The following SH3RF3 variants were observed in gnomAD, a reference collection of about 807,000 sequenced individuals.
The protein encoded by SH3RF3 is E3 ubiquitin-protein ligase SH3RF3.
In SH3RF3, 29 loss-of-function variants were observed where a neutral mutation model predicts 66.3. The ratio of observed to expected loss-of-function variants is 0.44; its 90% CI spans 0.33 to 0.60. The LOEUF (loss-of-function observed/expected upper bound fraction) is 0.60. SH3RF3 is among the 20% of genes least tolerant of loss of function. The pLI is 0.04. For missense variants in SH3RF3, 1,194 were observed against 1,190.9 expected (o/e 1.00, Z -0.04); for synonymous variants, 583 against 532.0 (o/e 1.10, Z -1.32).
chr2:109,241,567 T>C (rs957953105), intron 1 of SH3RF3, among the ~76,000 whole-genome samples: 2 of 152,082 alleles, frequency 1.3e-5, no homozygotes, highest in Non-Finnish European at 2.9e-5. Context: ...CCTTCTTCCC[T>C]CCCACTTGGC....
At position 109,273,219 on chromosome 2, in the gene SH3RF3, C is replaced by T. The variant is rs148692512; in HGVS notation, c.574-74455C>T. ...TAGGCCTGTCCTGAGAATAATTGCA[C>T]AGTCGTCTGTTCAGTGCTGCCTGCC... On this transcript the variant is annotated intron_variant, in intron 1 of 9. Transcript: ENST00000309415. 4.6e-5 allele frequency among the ~76,000 whole-genome samples: 7 copies of T among 152,324 alleles called. No individual in the cohort carries two copies. The East Asian group carries it at 1.3e-3, about 29-fold the overall frequency.
chr2:109,155,174 C>T (rs1273253946), intron 1 of SH3RF3, among the ~76,000 whole-genome samples: 1 of 152,224 alleles, frequency 6.6e-6, no homozygotes, highest in African/African-American at 2.4e-5. Context: ...ATTTTGCAAA[C>T]TACAACTTGC....
At chr2:109,417,701 C>T (rs576712931) in intron 4 of SH3RF3, among the ~76,000 whole-genome samples, 8 of 152,288 alleles carry the variant, frequency 5.3e-5, no homozygotes, top group Admixed American at 2.6e-4. Context: ...CGGTTGCACC[C>T]GCTCATTCTG....
chr2:109,318,336 C>A (rs748889460), intron 1 of SH3RF3, among the ~76,000 whole-genome samples: 4 of 152,016 alleles, frequency 2.6e-5, no homozygotes, highest in African/African-American at 9.7e-5. Flanking sequence ...GCCCCCAGCC[C>A]GGTCCCCAGT....
At position 109,177,587 on chromosome 2, in the gene SH3RF3, G is replaced by A. The variant is rs114154565; in HGVS notation, c.573+47474G>A. Among the ~76,000 whole-genome samples, 886 of 152,196 alleles carry A rather than the reference G, an allele frequency of 5.8e-3. 5 individuals carry two copies. The highest frequency in any genetic ancestry group is 9.3e-3 in the Non-Finnish European group (632 of 68,016). On this transcript the variant is annotated intron_variant, in intron 1 of 9. Coordinates refer to ENST00000309415, the MANE Select transcript of SH3RF3 (RefSeq NM_001099289.3). ...CATTCCTACAAAGTTAGTATCAGTG[G>A]TCCAGAGAAAGAACAAGGCCACAGG... is the stretch of plus-strand genomic sequence containing the variant.
At chr2:109,392,996 G>A (rs1676044340) in intron 3 of SH3RF3, among the ~76,000 whole-genome samples, 2 of 152,222 alleles carry the variant, frequency 1.3e-5, no homozygotes, top group East Asian at 1.9e-4. Flanking sequence ...TTAGTCTCCT[G>A]AAGAATGACG....
rs142007361 is a variant in SH3RF3, at chr2:109,426,978, A to AT, written c.1404-5514dup. On this transcript the variant is annotated intron_variant, in intron 5 of 9. Transcript: ENST00000309415. ...AGGGCAATAAAATATATATATATATATTTTTTTTTGAGACGAGTCTCGCTC... is the reference window on the plus strand; with the variant it reads ...AGGGCAATAAAATATATATATATATATTTTTTTTTTGAGACGAGTCTCGCTC... Among the ~76,000 whole-genome samples, 609 of 148,722 alleles carry AT rather than the reference A, an allele frequency of 4.1e-3. 6 individuals carry two copies. Among genetic ancestry groups the AT allele is most frequent in the African/African-American group, 0.014 (566 of 39,632 alleles).
At chr2:109,469,459 C>T (rs550312579) in intron 8 of SH3RF3, among the ~76,000 whole-genome samples, 2 of 152,314 alleles carry the variant, frequency 1.3e-5, no homozygotes, top group African/African-American at 4.8e-5. Flanking sequence ...GACAGTAATG[C>T]CTGTTGTGCA....
At chr2:109,240,057 T>G (rs75965153) in intron 1 of SH3RF3, among the ~76,000 whole-genome samples, 1,991 of 152,316 alleles carry the variant, frequency 0.013, 24 homozygotes, top group Middle Eastern at 0.031. Flanking sequence ...GCCCAGACCC[T>G]TCTCTGTTTT....
At chr2:109,385,046 G>A (rs552048534) in intron 3 of SH3RF3, among the ~76,000 whole-genome samples, 7 of 152,320 alleles carry the variant, frequency 4.6e-5, no homozygotes, top group South Asian at 2.1e-4. Flanking sequence ...GGCCCTGATC[G>A]TTGTCCCGGC....
At chr2:109,419,286 C>T (rs1171101431) in intron 4 of SH3RF3, among the ~76,000 whole-genome samples, 3 of 152,124 alleles carry the variant, frequency 2.0e-5, no homozygotes, top group Non-Finnish European at 4.4e-5. Context: ...TGATGCTGAC[C>T]AGCCTAGATG....
intron 1 of SH3RF3, among the ~76,000 whole-genome samples, chr2:109,279,830 G>A (rs1403503468): frequency 6.6e-6 from 1 of 152,158 alleles, no homozygotes; most frequent in African/African-American, 2.4e-5. Context: ...TCAGGAGTGT[G>A]GGGGCTGGTG....
chr2:109,277,913 G>A (rs1680794388), intron 1 of SH3RF3, among the ~76,000 whole-genome samples: 1 of 150,962 alleles, frequency 6.6e-6, no homozygotes, highest in South Asian at 2.1e-4. Context: ...GGTGGCTCAC[G>A]CCTATAATCC....
At chr2:109,345,312 G>A (rs1390687237) in intron 1 of SH3RF3, among the ~76,000 whole-genome samples, 1 of 152,142 alleles carries the variant, frequency 6.6e-6, no homozygotes, top group East Asian at 1.9e-4. Flanking sequence ...GAAACACAGT[G>A]TCCCCTTCTC....
chr2:109,283,730 G>A (rs1240496408), intron 1 of SH3RF3, among the ~76,000 whole-genome samples: 1 of 152,182 alleles, frequency 6.6e-6, no homozygotes, highest in Non-Finnish European at 1.5e-5. Flanking sequence ...CTAAATCGCT[G>A]GCCTGAGCCA....
At chr2:109,296,090 C>G (rs116504505) in intron 1 of SH3RF3, among the ~76,000 whole-genome samples, 1,840 of 152,188 alleles carry the variant, frequency 0.012, 54 homozygotes, top group African/African-American at 0.042. Flanking sequence ...GGTTGGCCCC[C>G]CAGAAGGCTG....
intron 1 of SH3RF3, among the ~76,000 whole-genome samples, chr2:109,325,823 G>C (rs1421387812): frequency 6.6e-6 from 1 of 152,206 alleles, no homozygotes; most frequent in Non-Finnish European, 1.5e-5. Context: ...AAAGATGCTG[G>C]CCCGAGCAGG....
At chr2:109,282,481 G>A (rs1680917786) in intron 1 of SH3RF3, among the ~76,000 whole-genome samples, 2 of 152,262 alleles carry the variant, frequency 1.3e-5, no homozygotes, top group South Asian at 4.1e-4. Context: ...AGGAAGGCCC[G>A]AGGGTCACCA....
Position 109,304,112 on chromosome 2 carries a change from AAG to A in SH3RF3, c.574-43560_574-43559del, listed in dbSNP as rs1444502154. On this transcript the variant is annotated intron_variant, in intron 1 of 9. Transcript: ENST00000309415. ...GCAAAACTCCATCTCAAAAAAAAAAAAGAAAGATCTACTCTGCTAGCAGTTTT... is the reference window on the plus strand; with the variant it reads ...GCAAAACTCCATCTCAAAAAAAAAAAAAAGATCTACTCTGCTAGCAGTTTT... 1.1e-4 allele frequency among the ~76,000 whole-genome samples: 16 copies of A among 151,560 alleles called. 1 individual carries two copies. The highest frequency in any genetic ancestry group is 2.9e-4 in the African/African-American group (12 of 41,202).
Sources: allele counts gnomAD v4.1 joint callset (sites outside exome capture counted in the v4.1 genomes callset), GRCh38; gene constraint gnomAD v4.1.1; transcripts MANE v1.5; gene names NCBI Gene and HGNC (gene_info 2026-07-23, HGNC 2026-07-21).